Variants in GOLGA8A observed in about 807,000 individuals in gnomAD.
GOLGA8A encodes the protein golgin A8 family member A.
In GOLGA8A, 3 loss-of-function variants were observed where a neutral mutation model predicts 22.1. That is an observed-to-expected ratio of 0.14 (90% CI 0.06 to 0.35). The LOEUF (loss-of-function observed/expected upper bound fraction) is 0.35, where lower values mean the gene tolerates loss of function less well. GOLGA8A is among the 10% of genes least tolerant of loss of function. The pLI is 1.00. For missense variants in GOLGA8A, 16 were observed against 233.2 expected (o/e 0.07, Z 6.07); for synonymous variants, 7 against 91.7 (o/e 0.08, Z 5.28).
intron 2 of GOLGA8A, chr15:34,417,620 A>AC (rs1892626499): frequency 6.9e-6 from 1 of 145,726 alleles, no homozygotes; most frequent in Non-Finnish European, 1.5e-5. Context: ...TCTATAATAA[A>AC]CACTGTTAGA....
At chr15:34,431,291 T>TTA (rs1228048903) in intron 2 of GOLGA8A, among the ~76,000 whole-genome samples, 162 of 112,084 alleles carry the variant, frequency 1.4e-3, no homozygotes, top group Admixed American at 2.1e-3. Context: ...TGAAAAAAAA[T>TTA]TATATATATA....
At chr15:34,420,833 C>T (rs1427522451) in intron 2 of GOLGA8A, among the ~76,000 whole-genome samples, 10 of 129,488 alleles carry the variant, frequency 7.7e-5, no homozygotes, top group African/African-American at 8.8e-5. Context: ...CCCACAGATT[C>T]GGAGTCACAT....
intron 1 of GOLGA8A, among the ~76,000 whole-genome samples, chr15:34,436,219 T>C (rs537137379): frequency 4.0e-5 from 6 of 149,390 alleles, no homozygotes; most frequent in African/African-American, 1.5e-4. Context: ...TTAGGAAAAC[T>C]TGTCCCACTT....
rs374485926 is a variant in GOLGA8A, at chr15:34,434,449, C to T, written c.-1123+934G>A. 3.1e-4 allele frequency among the ~76,000 whole-genome samples: 47 copies of T among 149,316 alleles called. 5 individuals are homozygous for T. The highest frequency in any genetic ancestry group is 1.1e-3 in the African/African-American group (46 of 40,566). The stretch of plus-strand genomic sequence containing the variant: ...CATGATCTTGAGGTCACCTAACTCC[C>T]GGGCCTCCCTTGTGTGTCTGGACAG... On this transcript the variant is annotated intron_variant, in intron 2 of 24. Transcript: ENST00000359187.
Position 34,429,795 on chromosome 15 carries a change from G to A in GOLGA8A, c.-1123+5588C>T, listed in dbSNP as rs925509849. ...AGAAAAGTGAAGGGTACCTGCTCCC[G>A]GTTGTACCACTGCAGAGTCCTTGAG... On this transcript the variant is annotated intron_variant, in intron 2 of 24. Transcript: ENST00000359187. Among the ~76,000 whole-genome samples the A allele has an allele frequency of 3.4e-5, 5 of 147,418 alleles. 1 individual carries two copies. The highest frequency in any genetic ancestry group is 2.0e-4 in the East Asian group (1 of 4,948).
chr15:34,430,884 C>A (rs1009577111), intron 2 of GOLGA8A, among the ~76,000 whole-genome samples: 3 of 149,638 alleles, frequency 2.0e-5, no homozygotes, highest in African/African-American at 7.4e-5. Context: ...CTTCCCAGAG[C>A]TTCCAGTTCC....
At chr15:34,420,252 C>T (rs1892744027) in intron 2 of GOLGA8A, 1 of 145,078 alleles carries the variant, frequency 6.9e-6, no homozygotes, top group Admixed American at 7.1e-5. Context: ...CCTGGGGTAT[C>T]ACAAAGAGAA....
At chr15:34,422,847 A>T (rs1184963580) in intron 2 of GOLGA8A, among the ~76,000 whole-genome samples, 1 of 109,730 alleles carries the variant, frequency 9.1e-6, no homozygotes, top group African/African-American at 2.8e-5. Flanking sequence ...CCTCCAACCA[A>T]GGTGTCTAGG....
intron 2 of GOLGA8A, among the ~76,000 whole-genome samples, chr15:34,422,100 GCTCT>G (rs1417442515): frequency 1.3e-5 from 1 of 74,876 alleles, no homozygotes; most frequent in African/African-American, 5.2e-5. Flanking sequence ...TCTGTCCAGT[GCTCT>G]CTGACATCAC....
Position 34,430,179 on chromosome 15 carries a change from T to A in GOLGA8A, c.-1123+5204A>T, listed in dbSNP as rs999914389. Among the ~76,000 whole-genome samples, 10 of 149,092 alleles carry A rather than the reference T, an allele frequency of 6.7e-5. 2 individuals carry two copies. Among genetic ancestry groups the A allele is most frequent in the African/African-American group, 2.5e-4 (10 of 40,342 alleles). On this transcript the variant is annotated intron_variant, in intron 2 of 24. Transcript: ENST00000359187. Reference sequence around the variant, plus strand: ...CAGTTAATTTAGAAGCTGAAATCTGTGAAAGCTCAAGGGAAAGACACAATC... The same window carrying A: ...CAGTTAATTTAGAAGCTGAAATCTGAGAAAGCTCAAGGGAAAGACACAATC...
chr15:34,386,552 C>A lies in GOLGA8A; in HGVS notation c.285+73G>T. 5 of 1,379,542 alleles carry A rather than the reference C, an allele frequency of 3.6e-6. 1 individual carries two copies. The highest frequency in any genetic ancestry group is 4.8e-6 in the Non-Finnish European group (5 of 1,035,686). 85.5% of individuals were successfully genotyped at this position (1,379,542 alleles called of 1,614,324 possible). On this transcript the variant is annotated intron_variant, in intron 12 of 24. Coordinates refer to ENST00000359187, the MANE Select transcript of GOLGA8A (RefSeq NM_181077.5). ...GGCACCAGGGGCCCCCAGCCCCCTT[C>A]TTCAGGGCCCCAAGAGGAAACCGGA...
chr15:34,418,293 T>A (rs1482532530), intron 2 of GOLGA8A: 11 of 137,114 alleles, frequency 8.0e-5, no homozygotes, highest in African/African-American at 2.9e-4. Context: ...CCAAAGACAT[T>A]GAGTCTAGGC....
rs1284908908 is a variant in GOLGA8A, at chr15:34,381,000, A to G, written c.*411T>C. The G allele has an allele frequency of 8.7e-6, 3 of 346,526 alleles. No homozygotes were observed. The East Asian group carries it at 2.4e-4, about 27-fold the overall frequency. 21.5% of individuals were successfully genotyped at this position (346,526 alleles called of 1,614,324 possible). A position where few individuals can be genotyped will look rare whatever the true frequency, so the allele number is the denominator to read the frequency against. ...ATGAGATCAAACATCATAGCAGAAC[A>G]TTAGCAAATTTTATCTGAATTCTGT... On this transcript the variant is annotated 3_prime_UTR_variant, in exon 25 of 25. Coordinates refer to ENST00000359187, the MANE Select transcript of GOLGA8A (RefSeq NM_181077.5).
rs1042437732 is a variant in GOLGA8A at position 34,435,109 on chromosome 15, C to T, written c.-1123+274G>A. On this transcript the variant is annotated intron_variant, in intron 2 of 24. Transcript: ENST00000359187. Reference sequence around the variant, plus strand: ...CTGAGGCCCTCACCTATTAAGTCACCGGGGCAGGTATGCATGGCAGAGGAC... The same window carrying T: ...CTGAGGCCCTCACCTATTAAGTCACTGGGGCAGGTATGCATGGCAGAGGAC... Among the ~76,000 whole-genome samples the T allele has an allele frequency of 2.0e-5, 3 of 149,350 alleles. 1 individual carries two copies. Among genetic ancestry groups the T allele is most frequent in the Non-Finnish European group, 4.5e-5 (3 of 67,196 alleles).
intron 2 of GOLGA8A, among the ~76,000 whole-genome samples, chr15:34,424,470 C>A (rs2554774): frequency 0.01 from 1,321 of 126,864 alleles, 4 homozygotes; most frequent in South Asian, 0.023. Context: ...ATTTACATCA[C>A]CAGAGAGACT....
chr15:34,435,955 G>A (rs940599212), intron 1 of GOLGA8A, among the ~76,000 whole-genome samples: 2 of 149,058 alleles, frequency 1.3e-5, no homozygotes, highest in African/African-American at 5.0e-5. Flanking sequence ...CTCCTGCCCC[G>A]CGGATCCTAA....
intron 2 of GOLGA8A, among the ~76,000 whole-genome samples, chr15:34,435,019 G>C (rs1469050892): frequency 1.3e-5 from 2 of 149,476 alleles, no homozygotes; most frequent in African/African-American, 4.9e-5. Flanking sequence ...GATCCCCACC[G>C]ACCGCCAGTC....
At chr15:34,431,331 A>ATCTC (rs1435309982) in intron 2 of GOLGA8A, among the ~76,000 whole-genome samples, 15 of 52,938 alleles carry the variant, frequency 2.8e-4, no homozygotes, top group African/African-American at 8.2e-4. Context: ...ATATATATAT[A>ATCTC]TATATATATA....
chr15:34,416,050 G>A (rs1291178661), intron 2 of GOLGA8A: 5 of 148,474 alleles, frequency 3.4e-5, no homozygotes, highest in Non-Finnish European at 7.4e-5. Flanking sequence ...AGTGCAAGCT[G>A]TCAGATGTTC....
Sources: gnomAD v4.1 joint callset for allele counts (sites outside exome capture counted in the v4.1 genomes callset) on GRCh38, gnomAD v4.1.1 for gene constraint, MANE v1.5 for transcripts, NCBI Gene and HGNC (gene_info 2026-07-23, HGNC 2026-07-21) for gene names.